Variants in ITFG2 observed in about 807,000 individuals in gnomAD.
The protein encoded by ITFG2 is integrin alpha FG-GAP repeat containing 2.
A neutral mutation model predicts 54.4 loss-of-function variants in ITFG2; 36 were observed. That is an observed-to-expected ratio of 0.66 (90% confidence interval 0.51 to 0.87). The LOEUF (loss-of-function observed/expected upper bound fraction) is 0.87. Ranked by LOEUF, ITFG2 falls within the 40% of genes least tolerant of loss-of-function variation. The probability of loss-of-function intolerance (pLI) is 0.00; values close to 1 mark genes in which losing one functional copy is unlikely to be tolerated. For missense variants in ITFG2, 524 were observed against 576.7 expected, an observed-to-expected ratio of 0.91 and a Z score of 0.94; for synonymous variants, 211 against 225.4, an observed-to-expected ratio of 0.94 and a Z score of 0.57.
At chr12:2,856,881 G>A (rs1420935857) in intron 2 of ITFG2, 4 of 699,100 alleles carry the variant, frequency 5.7e-6, no homozygotes, top group African/African-American at 3.5e-5. Flanking sequence ...AAGAAAGCCT[G>A]GCCCACTATA....
At chr12:2,857,137 A>G (rs1193176258) in intron 2 of ITFG2, 8 of 699,556 alleles carry the variant, frequency 1.1e-5, no homozygotes, top group Non-Finnish European at 1.8e-5. Context: ...TGATGCAGAG[A>G]AGAGGCCCTC....
chr12:2,812,715 G>C lies in ITFG2; in HGVS notation c.-46G>C. ...GGCGGCTGTCGCGACGGGGGTTCAG[G>C]GAATATTTACTGGGCCTCTCCGCTC... is the stretch of plus-strand genomic sequence containing the variant. On this transcript the variant is annotated 5_prime_UTR_variant, in exon 1 of 12. Transcript: ENST00000228799. 5.2e-6 allele frequency: 8 copies of C among 1,540,088 alleles called. No individual in the cohort carries two copies. The highest frequency in any genetic ancestry group is 7.2e-6 in the Non-Finnish European group (8 of 1,115,530).
At chr12:2,858,960 A>T (rs754379620) in intron 3 of ITFG2, 1 of 1,613,540 alleles carries the variant, frequency 6.2e-7, no homozygotes, top group Admixed American at 1.7e-5. Flanking sequence ...GCTGAGATCC[A>T]TCAGCCCCAG....
At chr12:2,854,866 G>C (rs1013915921) in intron 2 of ITFG2, 3 of 1,512,054 alleles carry the variant, frequency 2.0e-6, no homozygotes, top group South Asian at 1.3e-5. Flanking sequence ...GGGCAGGCTG[G>C]GTGGGCTCCC....
chr12:2,820,690 C>T (rs1204991240), intron 5 of ITFG2, 34 bp from the exon 6 acceptor site: 1 of 1,369,986 alleles, frequency 7.3e-7, no homozygotes, highest in Non-Finnish European at 9.8e-7. Flanking sequence ...TTCCTTCTCT[C>T]TCCGTCTCCC....
At chr12:2,830,450 AC>A in intron 2 of ITFG2, 10 of 406,550 alleles carry the variant, frequency 2.5e-5, no homozygotes, top group South Asian at 9.1e-5. Flanking sequence ...ACTGAGGAGT[AC>A]TTACTTAATT....
intron 2 of ITFG2, among the ~76,000 whole-genome samples, chr12:2,842,770 T>C (rs1331978698): frequency 1.3e-5 from 2 of 152,136 alleles, no homozygotes; most frequent in Non-Finnish European, 2.9e-5. Flanking sequence ...TAGATGTTGC[T>C]CCATTATGTT....
At chr12:2,830,578 T>G in intron 2 of ITFG2, 6 of 991,184 alleles carry the variant, frequency 6.1e-6, no homozygotes, top group Non-Finnish European at 8.8e-6. Flanking sequence ...CCTGGTTAGG[T>G]CCAGGCTAGG....
chr12:2,844,960 G>C lies in ITFG2; in HGVS notation n.300+3965G>C, dbSNP rs538947570. On this transcript the variant is annotated intron_variant and non_coding_transcript_variant, in intron 2 of 3. Coordinates refer to the ITFG2 transcript ENST00000537710. ...ATTCTTTACAAGCGTGGAGGCGTTC[G>C]TGAGGCTCTGCCCTGGGACTGGCAG... 2.2e-4 allele frequency among the ~76,000 whole-genome samples: 34 copies of C among 152,340 alleles called. 2 individuals are homozygous for C. In the South Asian group the frequency reaches 6.8e-3, roughly 31 times the overall value.
chr12:2,824,439 G>A lies in ITFG2; in HGVS notation c.*246G>A, dbSNP rs1279520487. On this transcript the variant is annotated 3_prime_UTR_variant, in exon 12 of 12. Coordinates refer to ENST00000228799, the MANE Select transcript of ITFG2 (RefSeq NM_018463.4). ...TGGACCTCACCCATCATGCCAGCAG[G>A]GTCATAGGACCCTGGCCTTGTTCCA... The A allele has an allele frequency of 9.3e-6, 5 of 537,032 alleles. No homozygotes were observed. Among genetic ancestry groups the A allele is most frequent in the African/African-American group, 5.6e-5 (3 of 53,202 alleles). 33.3% of individuals were successfully genotyped at this position (537,032 alleles called of 1,614,324 possible). A position where few individuals can be genotyped will look rare whatever the true frequency, so the allele number is the denominator to read the frequency against.
intron 2 of ITFG2, chr12:2,849,656 TTC>T: frequency 9.9e-7 from 1 of 1,009,750 alleles, no homozygotes; most frequent in East Asian, 2.6e-5. Context: ...AGGGAATCCC[TTC>T]TGTCTCTCCA....
At chr12:2,827,163 T>G (rs746023633), downstream of ITFG2, 2 of 1,613,246 alleles carry the variant, frequency 1.2e-6, no homozygotes, top group South Asian at 2.2e-5. The surrounding 1 kb of genome is among the most constrained non-coding windows in gnomAD (Gnocchi z 4.0). Context: ...CGCCTCTTCT[T>G]CTAAGGCAAG....
intron 2 of ITFG2, among the ~76,000 whole-genome samples, chr12:2,853,501 G>T (rs2098077710): frequency 1.3e-5 from 2 of 152,120 alleles, no homozygotes; most frequent in Non-Finnish European, 2.9e-5. Flanking sequence ...TCGAACTCCT[G>T]ACCTCAGGCG....
chr12:2,828,294 C>T, downstream of ITFG2: 1 of 1,569,106 alleles, frequency 6.4e-7, no homozygotes, highest in Non-Finnish European at 8.8e-7. Context: ...CAAAAAGAAA[C>T]CCTGTCCCCC....
chr12:2,839,253 T>C (rs2153926965), intron 1 of ITFG2, among the ~76,000 whole-genome samples: 1 of 152,270 alleles, frequency 6.6e-6, no homozygotes, highest in Non-Finnish European at 1.5e-5. Flanking sequence ...ATCATGCCAC[T>C]GCACTCCAGC....
At chr12:2,855,572 G>C (rs922377504) in intron 2 of ITFG2, 5 of 685,550 alleles carry the variant, frequency 7.3e-6, no homozygotes, top group African/African-American at 7.3e-5. Flanking sequence ...TGAGGACGCA[G>C]AAGTCCTGGC....
At position 2,851,831 on chromosome 12, in the gene ITFG2, A is replaced by C. The variant is rs148103763; in HGVS notation, n.301-6181A>C. Reference sequence around the variant, plus strand: ...GTAGCTGGGATTACAGGCATGTGCCACCACGCCTGACTAATTTTTGTATTT... The same window carrying C: ...GTAGCTGGGATTACAGGCATGTGCCCCCACGCCTGACTAATTTTTGTATTT... On this transcript the variant is annotated intron_variant and non_coding_transcript_variant, in intron 2 of 3. Transcript: ENST00000537710. Among the ~76,000 whole-genome samples, 1,379 of 152,038 alleles carry C rather than the reference A, an allele frequency of 9.1e-3. 21 individuals are homozygous for C. Among genetic ancestry groups the C allele is most frequent in the African/African-American group, 0.032 (1,311 of 41,448 alleles).
intron 10 of ITFG2, among the ~76,000 whole-genome samples, chr12:2,823,185 A>G (rs566275597): frequency 8.5e-5 from 13 of 152,220 alleles, no homozygotes; most frequent in Non-Finnish European, 1.8e-4. Flanking sequence ...AAGAAATAAA[A>G]GACAGTAACA....
chr12:2,815,155 A>T (rs553810651), intron 1 of ITFG2, among the ~76,000 whole-genome samples: 8 of 152,284 alleles, frequency 5.3e-5, no homozygotes, highest in Admixed American at 5.2e-4. Flanking sequence ...GAAATCAAAG[A>T]TTCAAATAAA....
Sources: allele counts gnomAD v4.1 joint callset (sites outside exome capture counted in the v4.1 genomes callset), GRCh38; gene constraint gnomAD v4.1.1; non-coding constraint Gnocchi (gnomAD v3.1); transcripts MANE v1.5; gene names NCBI Gene and HGNC (gene_info 2026-07-23, HGNC 2026-07-21).